The following CNTN5 variants were observed in gnomAD, a reference collection of about 807,000 sequenced individuals.
CNTN5 encodes the protein contactin 5, also known as contactin-5.
CNTN5 carries 77 observed loss-of-function variants against 129.1 expected under a neutral mutation model. The ratio of observed to expected loss-of-function variants is 0.60; its 90% CI spans 0.50 to 0.72. CNTN5 has a LOEUF of 0.72. CNTN5 is among the 30% of genes least tolerant of loss of function. The probability of loss-of-function intolerance (pLI) is 0.00; values close to 1 mark genes in which losing one functional copy is unlikely to be tolerated. For missense variants in CNTN5, 1,478 were observed against 1,328.8 expected, an observed-to-expected ratio of 1.11 and a Z score of -1.75; for synonymous variants, 509 against 465.6, an observed-to-expected ratio of 1.09 and a Z score of -1.20.
At chr11:99,056,497 A>T (rs1456830870) in intron 1 of CNTN5, among the ~76,000 whole-genome samples, 2 of 152,030 alleles carry the variant, frequency 1.3e-5, no homozygotes, top group Admixed American at 1.3e-4. Context: ...ACCAGTAAAG[A>T]TGCTGGATAC....
chr11:99,710,610 T>G lies in CNTN5; in HGVS notation c.56-108934T>G, dbSNP rs543741475. On this transcript the variant is annotated intron_variant, in intron 3 of 24. Coordinates refer to ENST00000524871, the MANE Select transcript of CNTN5 (RefSeq NM_014361.4). Reference sequence around the variant, plus strand: ...GTGTGTGTGTGTGTGTGTATGTATGTATGTATGTTTGAGTAATAAAGGTCC... The same window carrying G: ...GTGTGTGTGTGTGTGTGTATGTATGGATGTATGTTTGAGTAATAAAGGTCC... Among the ~76,000 whole-genome samples, 217 of 151,212 alleles carry G rather than the reference T, an allele frequency of 1.4e-3. 1 individual carries two copies. The highest frequency in any genetic ancestry group is 5.2e-3 in the African/African-American group (214 of 41,264).
intron 2 of CNTN5, among the ~76,000 whole-genome samples, chr11:99,390,927 AT>A (rs779743642): frequency 6.6e-5 from 10 of 152,182 alleles, no homozygotes; most frequent in African/African-American, 1.2e-4. Context: ...CAACTTTTAT[AT>A]TTTTTAATGT....
chr11:99,594,322 A>G (rs1375960447), intron 3 of CNTN5, among the ~76,000 whole-genome samples: 1 of 151,958 alleles, frequency 6.6e-6, no homozygotes, highest in Non-Finnish European at 1.5e-5. Context: ...CAGTACTGTG[A>G]AAAGCTGCAG....
chr11:99,419,765 C>A (rs1304641429), intron 2 of CNTN5, among the ~76,000 whole-genome samples: 2 of 151,954 alleles, frequency 1.3e-5, no homozygotes, highest in Non-Finnish European at 2.9e-5. Flanking sequence ...AGTGGATTGG[C>A]AATATTTGTT....
chr11:100,254,351 G>C (rs1024001417), intron 16 of CNTN5, among the ~76,000 whole-genome samples: 1 of 152,092 alleles, frequency 6.6e-6, no homozygotes, highest in African/African-American at 2.4e-5. Flanking sequence ...TTTAAAAAAT[G>C]AGTACCTTCC....
chr11:99,492,291 A>G (rs1189518937), intron 2 of CNTN5, among the ~76,000 whole-genome samples: 1 of 152,146 alleles, frequency 6.6e-6, no homozygotes, highest in Non-Finnish European at 1.5e-5. Context: ...AAAGATCTAC[A>G]TATTTTGTGA....
intron 1 of CNTN5, among the ~76,000 whole-genome samples, chr11:99,163,477 T>C (rs1161121700): frequency 2.6e-5 from 4 of 152,102 alleles, no homozygotes; most frequent in Admixed American, 2.0e-4. Flanking sequence ...CTCAATTTTC[T>C]GTTTTTCAAT....
intron 13 of CNTN5, among the ~76,000 whole-genome samples, chr11:100,157,115 CTTTT>C (rs1371635536): frequency 1.3e-5 from 2 of 151,778 alleles, no homozygotes; most frequent in Non-Finnish European, 2.9e-5. Flanking sequence ...TCCCTGCTTT[CTTTT>C]TATCACTTTT....
intron 7 of CNTN5, among the ~76,000 whole-genome samples, chr11:99,945,489 C>CGTGTGTGCGTGTGTGTGT (rs1950534663): frequency 6.7e-6 from 1 of 148,892 alleles, no homozygotes. Flanking sequence ...AACCTCTGTG[C>CGTGTGTGCGTGTGTGTGT]GTGTGTGTGT....
chr11:99,774,654 C>G (rs1300411746), intron 3 of CNTN5, among the ~76,000 whole-genome samples: 1 of 151,918 alleles, frequency 6.6e-6, no homozygotes, highest in African/African-American at 2.4e-5. Context: ...TCGGGCTCAT[C>G]GTTTTTATCC....
At chr11:100,243,616 T>C (rs1949784601) in intron 16 of CNTN5, among the ~76,000 whole-genome samples, 1 of 152,214 alleles carries the variant, frequency 6.6e-6, no homozygotes, top group Admixed American at 6.5e-5. Context: ...ATGATACCTC[T>C]CATGCCAACT....
At chr11:99,522,208 C>T (rs931382613) in intron 2 of CNTN5, among the ~76,000 whole-genome samples, 2 of 151,968 alleles carry the variant, frequency 1.3e-5, no homozygotes, top group African/African-American at 4.8e-5. Flanking sequence ...AGAGAAAGAA[C>T]TTTAAGGAAC....
chr11:99,183,778 C>T (rs1337181944), intron 1 of CNTN5, among the ~76,000 whole-genome samples: 1 of 152,072 alleles, frequency 6.6e-6, no homozygotes, highest in Non-Finnish European at 1.5e-5. Flanking sequence ...GTAAACTCCA[C>T]ACCCATGTAG....
chr11:100,110,009 C>T (rs1945591425), intron 13 of CNTN5, among the ~76,000 whole-genome samples: 1 of 151,882 alleles, frequency 6.6e-6, no homozygotes, highest in African/African-American at 2.4e-5. Flanking sequence ...GAAACCCTGT[C>T]TCTACCAGAA....
At chr11:99,231,886 C>T (rs1264732871) in intron 1 of CNTN5, among the ~76,000 whole-genome samples, 1 of 152,224 alleles carries the variant, frequency 6.6e-6, no homozygotes, top group Admixed American at 6.5e-5. Flanking sequence ...GTTCTCCCAG[C>T]ACTATTTATT....
intron 2 of CNTN5, among the ~76,000 whole-genome samples, chr11:99,410,349 A>G (rs1942336677): frequency 6.6e-6 from 1 of 152,156 alleles, no homozygotes; most frequent in Non-Finnish European, 1.5e-5. Flanking sequence ...ATAGGTGAAA[A>G]CAAGGACAAG....
At chr11:99,339,589 C>T (rs1003543221) in intron 2 of CNTN5, among the ~76,000 whole-genome samples, 3 of 151,964 alleles carry the variant, frequency 2.0e-5, no homozygotes, top group African/African-American at 4.8e-5. Context: ...ACCATCCTGG[C>T]TAACACAGTG....
intron 6 of CNTN5, among the ~76,000 whole-genome samples, chr11:99,890,434 T>G (rs935722913): frequency 2.5e-4 from 38 of 152,198 alleles, no homozygotes; most frequent in African/African-American, 8.9e-4. Flanking sequence ...TTATATTTTG[T>G]GTAATATTGG....
intron 7 of CNTN5, among the ~76,000 whole-genome samples, chr11:99,924,930 C>T (rs1182396296): frequency 1.3e-5 from 2 of 151,922 alleles, no homozygotes; most frequent in African/African-American, 4.8e-5. Context: ...AAATACAGTA[C>T]CTAAGAAATG....
Sources: allele counts gnomAD v4.1 joint callset (sites outside exome capture counted in the v4.1 genomes callset), GRCh38; gene constraint gnomAD v4.1.1; transcripts MANE v1.5; gene names NCBI Gene and HGNC (gene_info 2026-07-23, HGNC 2026-07-21).